The following SUCLG1 variants were observed in gnomAD, a reference collection of about 807,000 sequenced individuals.
The protein encoded by SUCLG1 is succinate-CoA ligase GDP/ADP-forming subunit alpha, also known as succinate--CoA ligase [ADP/GDP-forming] subunit alpha, mitochondrial.
Under a neutral mutation model 37.3 loss-of-function variants are expected in SUCLG1, and 26 were observed. The observed-to-expected ratio is 0.70, with a 90% confidence interval of 0.51 to 0.97. The LOEUF is 0.97. Among genes scored for constraint, SUCLG1 ranks in the 50% least tolerant of loss-of-function variants. SUCLG1 has a pLI of 0.00. For synonymous variants in SUCLG1, 163 were observed against 155.6 expected, an observed-to-expected ratio of 1.05 and a Z score of -0.36; for missense variants, 433 against 432.9, an observed-to-expected ratio of 1.00 and a Z score of 0.00.
chr2:84,448,814 T>C (rs748935103), intron 2 of SUCLG1: 74 of 193,744 alleles, frequency 3.8e-4, no homozygotes, highest in Admixed American at 7.6e-4. Flanking sequence ...ATATATTATA[T>C]GCTGGATAAC....
intron 4 of SUCLG1, 33 bp from the exon 5 acceptor site, chr2:84,441,137 A>G (rs759773925): frequency 6.2e-7 from 1 of 1,613,948 alleles, no homozygotes; most frequent in Admixed American, 1.7e-5. Context: ...GAAATGTTAA[A>G]AAAAAAAGTC....
chr2:84,449,710 C>A lies in SUCLG1; in HGVS notation c.140G>T (p.Arg47Leu). The change falls in exon 2 of 9, where the codon CGG becomes CTG. Residue 47 changes from arginine to leucine, a missense_variant. Arg to Leu is a moderately radical substitution (Grantham distance 102, BLOSUM62 -2). Transcript: ENST00000393868. The stretch of plus-strand genomic sequence containing the variant: ...ATTTTTATCAACATAGAGATGTTGC[C>A]GAGAAGCTGTGTAGGAACAATGCCG... ...GIRHCSYTASRQHLYVDKNTK... is the reference protein window; with the variant it reads ...GIRHCSYTASLQHLYVDKNTK... The A allele has an allele frequency of 6.3e-7, 1 of 1,587,036 alleles. No homozygotes were observed. Among genetic ancestry groups the A allele is most frequent in the South Asian group, 1.1e-5 (1 of 88,002 alleles).
intron 1 of SUCLG1, among the ~76,000 whole-genome samples, chr2:84,452,149 G>T (rs1371703214): frequency 6.6e-6 from 1 of 151,782 alleles, no homozygotes; most frequent in Non-Finnish European, 1.5e-5. Context: ...ATATAAAAGT[G>T]GGCCATAACT....
intron 5 of SUCLG1, 111 bp from the exon 6 acceptor site, chr2:84,433,546 T>G (rs181438926): frequency 1.1e-6 from 1 of 880,816 alleles, no homozygotes; most frequent in African/African-American, 1.7e-5. Flanking sequence ...TAAAATTCAT[T>G]CCATGATTTG....
Position 84,423,785 on chromosome 2 carries a change from AAGAG to A in SUCLG1, c.1015-17_1015-14del. 1 of 1,604,974 alleles carries A rather than the reference AAGAG, an allele frequency of 6.2e-7. No individual in the cohort carries two copies. Among genetic ancestry groups the A allele is most frequent in the Non-Finnish European group, 8.5e-7 (1 of 1,175,272 alleles). On this transcript the variant is annotated splice_polypyrimidine_tract_variant and intron_variant, in intron 8 of 8. Transcript: ENST00000393868. The stretch of plus-strand genomic sequence containing the variant: ...TCTTTTCAAATTCCTTCAGAAACAG[AAGAG>A]AGAGAGAAGAGAGATGGAATGAATA...
intron 1 of SUCLG1, among the ~76,000 whole-genome samples, chr2:84,455,947 T>G (rs1201540324): frequency 6.6e-6 from 1 of 152,210 alleles, no homozygotes; most frequent in Admixed American, 6.5e-5. Flanking sequence ...TACATTTCTA[T>G]GGAGAAACAA....
chr2:84,447,211 G>C (rs1488505119), intron 2 of SUCLG1, among the ~76,000 whole-genome samples: 1 of 152,186 alleles, frequency 6.6e-6, no homozygotes, highest in South Asian at 2.1e-4. Flanking sequence ...ATTTACTGTG[G>C]AAGTAAGTTC....
At chr2:84,443,459 CA>C (rs1672805454) in intron 2 of SUCLG1, 59 bp from the exon 3 acceptor site, 3 of 1,435,312 alleles carry the variant, frequency 2.1e-6, no homozygotes, top group Middle Eastern at 1.7e-4. Context: ...CCAAGAGAAG[CA>C]AAAGCAATCT....
At chr2:84,444,449 G>C (rs1672817523) in intron 2 of SUCLG1, among the ~76,000 whole-genome samples, 1 of 152,162 alleles carries the variant, frequency 6.6e-6, no homozygotes, top group Admixed American at 6.5e-5. Context: ...TGTACAAATA[G>C]GGTGTGGGTC....
At chr2:84,441,510 GTAAAA>G in intron 3 of SUCLG1, 51 bp from the exon 4 acceptor site, 1 of 1,557,690 alleles carries the variant, frequency 6.4e-7, no homozygotes, top group Non-Finnish European at 8.8e-7. Context: ...CATAAACATT[GTAAAA>G]TAAATTCAAT....
chr2:84,423,798 G>A, intron 8 of SUCLG1, 26 bp from the exon 9 acceptor site: 2 of 1,599,950 alleles, frequency 1.3e-6, no homozygotes, highest in Non-Finnish European at 1.7e-6. Flanking sequence ...AGAGAGAGAA[G>A]AGAGATGGAA....
Position 84,443,375 on chromosome 2 carries a change from A to G in SUCLG1, c.227T>C (p.Leu76Ser). 3 of 1,614,144 alleles carry G rather than the reference A, an allele frequency of 1.9e-6. No homozygotes were observed. The highest frequency in any genetic ancestry group is 2.5e-6 in the Non-Finnish European group (3 of 1,179,998). ...TCCAACGAGTTTGGTGCCATATTCCAATGCCTGCTGGCTGTGAAAGGTGCC... is the reference window on the plus strand; with the variant it reads ...TCCAACGAGTTTGGTGCCATATTCCGATGCCTGCTGGCTGTGAAAGGTGCC... The part of the protein sequence containing the change: ...KQGTFHSQQA[L>S]EYGTKLVGGT... Residue 76 changes from leucine to serine, a missense_variant, in exon 3 of 9, where the codon TTG becomes TCG. Transcript: ENST00000393868.
chr2:84,432,479 CATT>C (rs1432355736), intron 6 of SUCLG1: 2 of 152,180 alleles, frequency 1.3e-5, no homozygotes, highest in African/African-American at 4.8e-5. Flanking sequence ...GTGAGATAGG[CATT>C]ATTATCCTCC....
intron 8 of SUCLG1, 22 bp downstream of exon 8, chr2:84,425,393 C>T: frequency 6.2e-7 from 1 of 1,613,964 alleles, no homozygotes. Flanking sequence ...CTCAGAGCAC[C>T]TGGGCCACTG....
At chr2:84,443,512 C>A in intron 2 of SUCLG1, 112 bp from the exon 3 acceptor site, 1 of 875,420 alleles carries the variant, frequency 1.1e-6, no homozygotes, top group African/African-American at 1.7e-5. Context: ...TAACTATTCC[C>A]AGACAATAAC....
chr2:84,439,933 T>C (rs1289285395), intron 5 of SUCLG1, among the ~76,000 whole-genome samples: 1 of 152,202 alleles, frequency 6.6e-6, no homozygotes, highest in Admixed American at 6.5e-5. Context: ...TTGAGAAAGT[T>C]TGTGATATCT....
chr2:84,455,845 A>C (rs1049056187), intron 1 of SUCLG1, among the ~76,000 whole-genome samples: 92 of 151,168 alleles, frequency 6.1e-4, no homozygotes, highest in African/African-American at 1.8e-3. Context: ...CAAAACAAAA[A>C]AAAAAAAAAA....
At chr2:84,427,014 A>G (rs1017042092) in intron 7 of SUCLG1, 2 of 153,804 alleles carry the variant, frequency 1.3e-5, no homozygotes, top group Admixed American at 1.3e-4. Context: ...TTCACTTAAA[A>G]ATAACATTTT....
intron 8 of SUCLG1, among the ~76,000 whole-genome samples, chr2:84,424,824 A>C (rs1160811570): frequency 6.6e-6 from 1 of 152,142 alleles, no homozygotes; most frequent in Non-Finnish European, 1.5e-5. Flanking sequence ...TTAAACCCAT[A>C]ATGTCCTATT....
Sources: allele counts gnomAD v4.1 joint callset (sites outside exome capture counted in the v4.1 genomes callset), GRCh38; gene constraint gnomAD v4.1.1; transcripts MANE v1.5; gene names NCBI Gene and HGNC (gene_info 2026-07-23, HGNC 2026-07-21).